The following RAP1A variants were observed in gnomAD, a reference collection of about 807,000 sequenced individuals.
The protein encoded by RAP1A is RAP1A, member of RAS oncogene family, also known as ras-related protein Rap-1A.
In RAP1A, 6 loss-of-function variants were observed where a neutral mutation model predicts 26.4. That is an observed-to-expected ratio of 0.23 (90% confidence interval 0.12 to 0.45). The LOEUF is 0.45. Among genes scored for constraint, RAP1A ranks in the 20% least tolerant of loss-of-function variants. The pLI, the probability that RAP1A is intolerant of heterozygous loss-of-function variation, is 0.99. For missense variants in RAP1A, 121 were observed against 217.2 expected, an observed-to-expected ratio of 0.56 and a Z score of 2.78; for synonymous variants, 73 against 79.4, an observed-to-expected ratio of 0.92 and a Z score of 0.43.
chr1:111,580,579 T>C (rs1403002236), intron 1 of RAP1A, among the ~76,000 whole-genome samples: 2 of 152,148 alleles, frequency 1.3e-5, no homozygotes, highest in Non-Finnish European at 2.9e-5. Flanking sequence ...CCGGGCGTGG[T>C]GGCTCAAGCC....
At chr1:111,634,130 A>C (rs1003855733) in intron 1 of RAP1A, among the ~76,000 whole-genome samples, 3 of 152,192 alleles carry the variant, frequency 2.0e-5, no homozygotes, top group Non-Finnish European at 4.4e-5. Context: ...GGACATGTGA[A>C]GTTTTTTAAT....
chr1:111,635,341 A>T (rs965008533), intron 1 of RAP1A, among the ~76,000 whole-genome samples: 1 of 152,188 alleles, frequency 6.6e-6, no homozygotes, highest in South Asian at 2.1e-4. Context: ...CTTGCTTTGA[A>T]TATTTGGTCA....
chr1:111,637,959 G>T (rs568481452), intron 1 of RAP1A, among the ~76,000 whole-genome samples: 2 of 151,978 alleles, frequency 1.3e-5, no homozygotes, highest in Non-Finnish European at 2.9e-5. Context: ...ATTTTTTGGT[G>T]TATATGACTT....
intron 1 of RAP1A, among the ~76,000 whole-genome samples, chr1:111,582,949 A>G (rs946895575): frequency 6.6e-6 from 1 of 152,228 alleles, no homozygotes; most frequent in Admixed American, 6.5e-5. Flanking sequence ...TCCTACAACC[A>G]TACAGTCTGT....
chr1:111,679,370 C>G (rs2101203894), intron 1 of RAP1A, among the ~76,000 whole-genome samples: 1 of 152,260 alleles, frequency 6.6e-6, no homozygotes, highest in East Asian at 1.9e-4. Flanking sequence ...AGATACTACC[C>G]ATTTCCCACA....
chr1:111,677,356 AAT>A (rs1289978527), intron 1 of RAP1A, among the ~76,000 whole-genome samples: 2 of 150,954 alleles, frequency 1.3e-5, no homozygotes, highest in Non-Finnish European at 2.9e-5. Flanking sequence ...TGTTGAAAAT[AAT>A]GTCTTTTACA....
intron 1 of RAP1A, among the ~76,000 whole-genome samples, chr1:111,610,199 T>C (rs2101079323): frequency 6.6e-6 from 1 of 152,310 alleles, no homozygotes; most frequent in East Asian, 1.9e-4. Context: ...GGAAACTTCA[T>C]TCTCTGAGTT....
chr1:111,619,137 T>G (rs898693297), upstream of RAP1A, among the ~76,000 whole-genome samples: 3 of 152,202 alleles, frequency 2.0e-5, no homozygotes, highest in African/African-American at 7.2e-5. Flanking sequence ...TTCTGCAACA[T>G]GGCAGGCGTA....
chr1:111,566,031 G>A lies in RAP1A; in HGVS notation c.-28+23522G>A, dbSNP rs1265465298. ...AACTCAGAATGATGAGTCCTGAAGT[G>A]CCAGCAAGCAGGTAGGCGGAGATGA... On this transcript the variant is annotated intron_variant, in intron 1 of 7. Coordinates refer to the RAP1A transcript ENST00000356415. 2.0e-5 allele frequency among the ~76,000 whole-genome samples: 3 copies of A among 152,102 alleles called. No individual in the cohort carries two copies. The East Asian group carries it at 5.8e-4, about 29-fold the overall frequency.
rs894910025 is a variant in RAP1A, at chr1:111,716,225, C to G, written c.*3824C>G. The stretch of plus-strand genomic sequence containing the variant: ...TCTTGTCCAGGGTCTGGAAAGAGCT[C>G]ATCTTGCCGAGAGGGAAATAAATGT... On this transcript the variant is annotated 3_prime_UTR_variant, in exon 8 of 8. Coordinates refer to ENST00000369709, the MANE Select transcript of RAP1A (RefSeq NM_002884.4). 6.6e-6 allele frequency: 1 copy of G among 152,196 alleles called. No homozygotes were observed. Among genetic ancestry groups the G allele is most frequent in the African/African-American group, 2.4e-5 (1 of 41,454 alleles). 9.4% of individuals were successfully genotyped at this position (152,196 alleles called of 1,614,324 possible).
At chr1:111,681,759 C>T (rs942251789) in intron 1 of RAP1A, among the ~76,000 whole-genome samples, 1 of 152,146 alleles carries the variant, frequency 6.6e-6, no homozygotes, top group Non-Finnish European at 1.5e-5. Flanking sequence ...AGAATGGAAC[C>T]AAGTTGGAAA....
intron 1 of RAP1A, among the ~76,000 whole-genome samples, chr1:111,609,176 T>C (rs1414451975): frequency 3.9e-5 from 6 of 152,154 alleles, no homozygotes; most frequent in African/African-American, 1.4e-4. Flanking sequence ...CCATTTCAGA[T>C]GTCTGTCAAC....
At chr1:111,659,244 G>A (rs1418345115) in intron 1 of RAP1A, among the ~76,000 whole-genome samples, 1 of 151,984 alleles carries the variant, frequency 6.6e-6, no homozygotes, top group Non-Finnish European at 1.5e-5. Context: ...CTATAATAAA[G>A]TTTAATTTAT....
rs370275188 is a variant in RAP1A, at chr1:111,629,109, TA to T, written c.-28+9182del. Among the ~76,000 whole-genome samples, 1,305 of 152,182 alleles carry T rather than the reference TA, an allele frequency of 8.6e-3. 21 individuals are homozygous for T. Among genetic ancestry groups the T allele is most frequent in the African/African-American group, 0.03 (1,240 of 41,520 alleles). On this transcript the variant is annotated intron_variant, in intron 1 of 7. Transcript: ENST00000369709. ...AGCATTTGTGATTGCTGCAGGACTTTAAAAAAACCAGTCGTGTGAGCAGAGG... is the reference window on the plus strand; with the variant it reads ...AGCATTTGTGATTGCTGCAGGACTTTAAAAAACCAGTCGTGTGAGCAGAGG...
chr1:111,567,994 G>T (rs545348565), intron 1 of RAP1A, among the ~76,000 whole-genome samples: 109 of 152,308 alleles, frequency 7.2e-4, no homozygotes, highest in African/African-American at 2.6e-3. Flanking sequence ...CCCTATGCCT[G>T]GCCCCTGAGC....
At chr1:111,668,326 AC>A (rs1660863552) in intron 1 of RAP1A, among the ~76,000 whole-genome samples, 1 of 152,056 alleles carries the variant, frequency 6.6e-6, no homozygotes, top group African/African-American at 2.4e-5. Flanking sequence ...ACTGAATTGG[AC>A]CCCCATTGAC....
At chr1:111,629,837 G>A (rs1367857718) in intron 1 of RAP1A, among the ~76,000 whole-genome samples, 1 of 152,100 alleles carries the variant, frequency 6.6e-6, no homozygotes, top group Non-Finnish European at 1.5e-5. Flanking sequence ...TATTCAAAAC[G>A]ATGATTTAAT....
intron 1 of RAP1A, among the ~76,000 whole-genome samples, chr1:111,634,267 A>AT (rs1238703178): frequency 6.6e-6 from 1 of 152,152 alleles, no homozygotes; most frequent in Admixed American, 6.5e-5. Flanking sequence ...AATTTTCACA[A>AT]TATAATAAAT....
At chr1:111,573,785 C>G (rs992183663) in intron 1 of RAP1A, among the ~76,000 whole-genome samples, 1 of 151,752 alleles carries the variant, frequency 6.6e-6, no homozygotes, top group African/African-American at 2.4e-5. Context: ...CTTTTCATGT[C>G]CTTTGCCCAT....
Sources: gnomAD v4.1 joint callset for allele counts (sites outside exome capture counted in the v4.1 genomes callset) on GRCh38, gnomAD v4.1.1 for gene constraint, MANE v1.5 for transcripts, NCBI Gene and HGNC (gene_info 2026-07-23, HGNC 2026-07-21) for gene names.